Variants in PPP1R9A observed in about 807,000 individuals in gnomAD.
PPP1R9A encodes neurabin-1.
PPP1R9A carries 59 observed loss-of-function variants against 141.9 expected under a neutral mutation model. The observed-to-expected ratio is 0.42, with a 90% CI of 0.34 to 0.52. The LOEUF is 0.52. Ranked by LOEUF, PPP1R9A falls within the 20% of genes least tolerant of loss-of-function variation. The pLI, the probability that PPP1R9A is intolerant of heterozygous loss-of-function variation, is 0.10. For missense variants in PPP1R9A, 1,444 were observed against 1,611.9 expected (o/e 0.90, Z 1.78); for synonymous variants, 500 against 569.7 (o/e 0.88, Z 1.74).
At chr7:95,208,642 T>C (rs1259524409) in intron 7 of PPP1R9A, among the ~76,000 whole-genome samples, 1 of 151,618 alleles carries the variant, frequency 6.6e-6, no homozygotes, top group African/African-American at 2.4e-5. Context: ...GAGAATGGCA[T>C]GAACCTGGGA....
chr7:94,917,747 C>G (rs137910835), intron 2 of PPP1R9A, among the ~76,000 whole-genome samples: 1 of 152,204 alleles, frequency 6.6e-6, no homozygotes, highest in East Asian at 1.9e-4. Flanking sequence ...TGTGTTCCCT[C>G]TAAACTTTCT....
chr7:94,993,725 C>G (rs1268498154), intron 2 of PPP1R9A, among the ~76,000 whole-genome samples: 2 of 151,886 alleles, frequency 1.3e-5, no homozygotes, highest in Non-Finnish European at 2.9e-5. Context: ...TTTAAAAATA[C>G]TTTTATTTTA....
At chr7:95,239,043 T>C (rs1797093188) in intron 8 of PPP1R9A, among the ~76,000 whole-genome samples, 1 of 152,150 alleles carries the variant, frequency 6.6e-6, no homozygotes, top group Non-Finnish European at 1.5e-5. Flanking sequence ...TAGTGTCTTT[T>C]CAAGTTTTTC....
chr7:95,244,342 T>C (rs2152993151), intron 8 of PPP1R9A, among the ~76,000 whole-genome samples: 1 of 152,176 alleles, frequency 6.6e-6, no homozygotes, highest in East Asian at 1.9e-4. Flanking sequence ...CTAGTGTATT[T>C]ATTCACAAGA....
chr7:95,150,150 C>T (rs1297373410), intron 4 of PPP1R9A, among the ~76,000 whole-genome samples: 2 of 142,602 alleles, frequency 1.4e-5, no homozygotes, highest in Non-Finnish European at 3.0e-5. Flanking sequence ...GGACATCCCC[C>T]TGCCAAAAAA....
chr7:95,016,234 GA>G (rs1304875509), intron 2 of PPP1R9A, among the ~76,000 whole-genome samples: 1 of 151,074 alleles, frequency 6.6e-6, no homozygotes, highest in Non-Finnish European at 1.5e-5. Context: ...GATAGATGAA[GA>G]AAAAAAAGTT....
chr7:95,246,292 A>G (rs922644826), intron 8 of PPP1R9A, among the ~76,000 whole-genome samples: 3 of 152,146 alleles, frequency 2.0e-5, no homozygotes, highest in Non-Finnish European at 4.4e-5. Flanking sequence ...AAAACTCCAC[A>G]TTTCTGTCCT....
intron 2 of PPP1R9A, among the ~76,000 whole-genome samples, chr7:94,995,929 A>C (rs1346888992): frequency 6.6e-6 from 1 of 152,066 alleles, no homozygotes; most frequent in Non-Finnish European, 1.5e-5. Flanking sequence ...TTTTTCTGGG[A>C]TGCACTTAAG....
At chr7:95,052,454 C>T (rs1468424801) in intron 2 of PPP1R9A, among the ~76,000 whole-genome samples, 2 of 152,096 alleles carry the variant, frequency 1.3e-5, no homozygotes, top group Non-Finnish European at 2.9e-5. Context: ...GAATCGTACC[C>T]AGGTTTCTGG....
At chr7:95,253,868 C>G (rs1799224458) in intron 12 of PPP1R9A, among the ~76,000 whole-genome samples, 2 of 151,512 alleles carry the variant, frequency 1.3e-5, no homozygotes, top group Non-Finnish European at 2.9e-5. Flanking sequence ...ATAATAAATA[C>G]ATATTCCTGC....
chr7:95,184,541 T>C (rs1480750746), intron 5 of PPP1R9A, among the ~76,000 whole-genome samples: 2 of 152,092 alleles, frequency 1.3e-5, no homozygotes, highest in Non-Finnish European at 2.9e-5. Flanking sequence ...TTAGTAGTGA[T>C]TTCTGAGATT....
intron 2 of PPP1R9A, among the ~76,000 whole-genome samples, chr7:95,108,159 A>G (rs925874303): frequency 3.3e-5 from 5 of 152,018 alleles, no homozygotes; most frequent in African/African-American, 9.7e-5. Context: ...TAATCTGCAA[A>G]TAACGACTTC....
chr7:95,259,279 A>G (rs854516), intron 12 of PPP1R9A, among the ~76,000 whole-genome samples: 42,320 of 151,198 alleles, frequency 0.28, 7,242 homozygotes, highest in Middle Eastern at 0.44. Context: ...ATGGAGGTAC[A>G]TGGTTGTCTT....
chr7:95,079,253 T>G (rs1213943957), intron 2 of PPP1R9A, among the ~76,000 whole-genome samples: 4 of 152,274 alleles, frequency 2.6e-5, no homozygotes, highest in East Asian at 3.9e-4. Context: ...TTTCCCCATT[T>G]CTTGTTTTTC....
chr7:95,187,746 G>C (rs1200305318), intron 5 of PPP1R9A, among the ~76,000 whole-genome samples: 3 of 151,950 alleles, frequency 2.0e-5, no homozygotes, highest in Non-Finnish European at 4.4e-5. Context: ...TTTCTATCTT[G>C]ATTTCATTGT....
intron 2 of PPP1R9A, among the ~76,000 whole-genome samples, chr7:94,940,035 A>T (rs952766021): frequency 1.3e-5 from 2 of 152,038 alleles, no homozygotes; most frequent in Non-Finnish European, 2.9e-5. Flanking sequence ...CTCAGTTAAT[A>T]TTTGTTGAGT....
At chr7:95,089,994 G>A (rs926552523) in intron 2 of PPP1R9A, among the ~76,000 whole-genome samples, 1 of 151,908 alleles carries the variant, frequency 6.6e-6, no homozygotes, top group Non-Finnish European at 1.5e-5. Flanking sequence ...CCAAATGTCT[G>A]AAAGAAGATA....
At position 94,910,735 on chromosome 7, in the gene PPP1R9A, G is replaced by C. The variant is rs1791356238; in HGVS notation, c.622G>C (p.Val208Leu). The C allele has an allele frequency of 1.2e-6, 2 of 1,614,050 alleles. No homozygotes were observed. Among genetic ancestry groups the C allele is most frequent in the Admixed American group, 1.7e-5 (1 of 60,002 alleles). The change falls in exon 2 of 20, where the codon GTA (valine) becomes CTA (leucine). Residue 208 changes from valine (V) to leucine (L), a missense_variant. Physicochemically the swap from Val to Leu is conservative, Grantham distance 32. Transcript: ENST00000433360. The surrounding 1 kb of genome is among the most constrained non-coding windows in gnomAD (Gnocchi z 4.5). ...CCCAACTGTGAGTCAACTGAGTGCA[G>C]TATTTGAGAACACTGATTCTCCCAG... is the stretch of plus-strand genomic sequence containing the variant. ...VSPTVSQLSAVFENTDSPSAI... is the reference protein window; with the variant it reads ...VSPTVSQLSALFENTDSPSAI...
intron 5 of PPP1R9A, among the ~76,000 whole-genome samples, chr7:95,164,736 CTTTTCTT>C (rs1830944287): frequency 4.1e-5 from 3 of 73,564 alleles, no homozygotes; most frequent in Non-Finnish European, 8.4e-5. Context: ...TTTTTCTTTT[CTTTTCTT>C]TTTTTTTTTT....
Sources: gnomAD v4.1 joint callset for allele counts (sites outside exome capture counted in the v4.1 genomes callset) on GRCh38, gnomAD v4.1.1 for gene constraint, Gnocchi (gnomAD v3.1) non-coding constraint, MANE v1.5 for transcripts, NCBI Gene and HGNC (gene_info 2026-07-23, HGNC 2026-07-21) for gene names.